APLN: variants seen among roughly 807,000 people sequenced by gnomAD.
APLN encodes the protein AGTRL1 ligand.
A neutral mutation model predicts 4.3 loss-of-function variants in APLN; 2 were observed. The observed-to-expected ratio is 0.46, with a 90% confidence interval of 0.19 to 1.45. The LOEUF (loss-of-function observed/expected upper bound fraction) is 1.45. APLN is among the 40% of genes most tolerant of loss of function. APLN has a pLI of 0.25. For synonymous variants in APLN, 34 were observed against 30.4 expected, an observed-to-expected ratio of 1.12 and a Z score of -0.38; for missense variants, 80 against 70.0, an observed-to-expected ratio of 1.14 and a Z score of -0.51.
At position 129,647,711 on chromosome X, in the gene APLN, G is replaced by A. The variant is rs947618467; in HGVS notation, c.*212C>T. On this transcript the variant is annotated 3_prime_UTR_variant, in exon 3 of 3. Transcript: ENST00000429967. The stretch of plus-strand genomic sequence containing the variant: ...GAGGGGCCAGGAAGATGGACTGGAC[G>A]GATTCTTGTGAGAGAACGGGAATCA... 17 of 982,924 alleles carry A rather than the reference G, an allele frequency of 1.7e-5. No individual in the cohort carries two copies. The highest frequency in any genetic ancestry group is 1.2e-4 in the African/African-American group (6 of 50,632). 81.0% of individuals were successfully genotyped at this position (982,924 alleles called of 1,213,427 possible).
Position 129,648,755 on chromosome X carries a change from T to C in APLN, c.105A>G (p.Glu35=). The C allele has an allele frequency of 8.5e-7, 1 of 1,172,520 alleles. No individual in the cohort carries two copies. The highest frequency in any genetic ancestry group is 2.4e-4 in the Middle Eastern group (1 of 4,177). Residue 35 remains glutamate (E), a synonymous_variant, in exon 2 of 3, where the codon GAA becomes GAG. Coordinates refer to ENST00000429967, the MANE Select transcript of APLN (RefSeq NM_017413.5). ...GCACCAGGTGGCGGACATTGCCGTCTTCCAGCCCATTCCCATCGGGAAGCG... is the reference window on the plus strand; with the variant it reads ...GCACCAGGTGGCGGACATTGCCGTCCTCCAGCCCATTCCCATCGGGAAGCG... ...LMPLPDGNGL[E]DGNVRHLVQP...
At chrX:129,648,433 G>C (rs955105270) in intron 2 of APLN, among the ~76,000 whole-genome samples, 188 bp downstream of exon 2, 26 of 112,477 alleles carry the variant, frequency 2.3e-4, no homozygotes, top group African/African-American at 8.1e-4. Flanking sequence ...CGAGGAGATC[G>C]TCTGTAAAAT....
chrX:129,654,614 C>G lies in APLN; in HGVS notation c.17G>C (p.Cys6Ser), dbSNP rs1196214233. 2 of 1,149,322 alleles carry G rather than the reference C, an allele frequency of 1.7e-6. No individual in the cohort carries two copies. Among genetic ancestry groups the G allele is most frequent in the African/African-American group, 3.7e-5 (2 of 54,470 alleles). 94.7% of individuals were successfully genotyped at this position (1,149,322 alleles called of 1,213,427 possible). The part of the protein sequence containing the change: MNLRL[C>S]VQALLLLWLS... ...CCAGAGCAGCAGGAGCGCCTGCACG[C>G]AGAGCCGCAGATTCATGCTGCTCCT... The change falls in exon 1 of 3, where the codon TGC (cysteine) becomes TCC (serine). Residue 6 changes from cysteine (C) to serine (S), a missense_variant. By Grantham distance (112) the Cys-to-Ser change is moderately radical. Transcript: ENST00000429967.
rs761563838 is a variant in APLN at position 129,647,715 on chromosome X, T to A, written c.*208A>T. On this transcript the variant is annotated 3_prime_UTR_variant, in exon 3 of 3. Coordinates refer to ENST00000429967, the MANE Select transcript of APLN (RefSeq NM_017413.5). ...GGCCAGGAAGATGGACTGGACGGATTCTTGTGAGAGAACGGGAATCATCCA... is the reference window on the plus strand; with the variant it reads ...GGCCAGGAAGATGGACTGGACGGATACTTGTGAGAGAACGGGAATCATCCA... 66 of 980,532 alleles carry A rather than the reference T, an allele frequency of 6.7e-5. 1 individual carries two copies. In the South Asian group the frequency reaches 1.2e-3, roughly 18 times the overall value. The allele number at this position is 980,532 out of a possible 1,213,427, so 80.8% of individuals were successfully genotyped here. A position where few individuals can be genotyped will look rare whatever the true frequency, so the allele number is the denominator to read the frequency against.
intron 1 of APLN, 45 bp downstream of exon 1, chrX:129,654,519 A>G (rs1936996719): frequency 2.5e-5 from 28 of 1,122,662 alleles, no homozygotes; most frequent in Non-Finnish European, 3.3e-5. Flanking sequence ...GAGGGAAAGG[A>G]GCACGCCGGC....
chrX:129,647,898 A>C lies in APLN; in HGVS notation c.*25T>G, dbSNP rs1259272839. 1.0e-6 allele frequency: 1 copy of C among 983,271 alleles called. No individual in the cohort carries two copies. Among genetic ancestry groups the C allele is most frequent in the Non-Finnish European group, 1.3e-6 (1 of 756,164 alleles). 81.0% of individuals were successfully genotyped at this position (983,271 alleles called of 1,213,427 possible). On this transcript the variant is annotated 3_prime_UTR_variant, in exon 3 of 3. Coordinates refer to ENST00000429967, the MANE Select transcript of APLN (RefSeq NM_017413.5). ...GGAGACATAACCGCCGGGGGTGGGC[A>C]CTTGGGGGCCCCTTCAGTCCTAAGG...
chrX:129,650,029 T>G (rs1001143158), intron 1 of APLN, among the ~76,000 whole-genome samples: 2 of 111,217 alleles, frequency 1.8e-5, no homozygotes, highest in Non-Finnish European at 3.8e-5. Context: ...GGCAGGGTAC[T>G]TGTGCAATGT....
At position 129,648,855 on chromosome X, in the gene APLN, C is replaced by T. The variant is rs919598437; in HGVS notation, c.68-63G>A. 17 of 1,014,821 alleles carry T rather than the reference C, an allele frequency of 1.7e-5. No homozygotes were observed. In the African/African-American group the frequency reaches 2.7e-4, roughly 16 times the overall value. The allele number at this position is 1,014,821 out of a possible 1,213,427, so 83.6% of individuals were successfully genotyped here. On this transcript the variant is annotated intron_variant, in intron 1 of 2. Transcript: ENST00000429967. ...TTGGAAACGGGCAGGGGCTGCAGACCACAGGCCCGCGGGAGGGGTGGTCTG... is the reference window on the plus strand; with the variant it reads ...TTGGAAACGGGCAGGGGCTGCAGACTACAGGCCCGCGGGAGGGGTGGTCTG...
chrX:129,651,449 A>G (rs748378554), intron 1 of APLN, among the ~76,000 whole-genome samples: 4 of 112,556 alleles, frequency 3.6e-5, no homozygotes, highest in African/African-American at 9.7e-5. Context: ...TCACTGCAGA[A>G]GTCTTGACTG....
intron 1 of APLN, among the ~76,000 whole-genome samples, chrX:129,654,340 T>G (rs1237088958): frequency 8.8e-6 from 1 of 113,039 alleles, no homozygotes; most frequent in Non-Finnish European, 1.9e-5. Context: ...GACGGGCAGG[T>G]GATGCCAAAG....
chrX:129,651,289 G>C (rs191925800), intron 1 of APLN, among the ~76,000 whole-genome samples: 1 of 110,349 alleles, frequency 9.1e-6, no homozygotes, highest in Admixed American at 9.6e-5. Flanking sequence ...CAGCATCACC[G>C]AGATCTGCTG....
At chrX:129,650,504 C>G (rs1348991004) in intron 1 of APLN, among the ~76,000 whole-genome samples, 1 of 111,729 alleles carries the variant, frequency 9.0e-6, no homozygotes, top group East Asian at 2.8e-4. Flanking sequence ...AGCCTGCACC[C>G]TCCTTCCCTC....
At position 129,654,677 on chromosome X, in the gene APLN, G is replaced by A; in HGVS notation, c.-47C>T. On this transcript the variant is annotated 5_prime_UTR_variant, in exon 1 of 3. Coordinates refer to ENST00000429967, the MANE Select transcript of APLN (RefSeq NM_017413.5). ...GCCCCGGCGAGCCGGCGCGGGGGAG[G>A]AGAGGTCGGGCGCCCGGAGGCCAAG... The A allele has an allele frequency of 2.0e-6, 2 of 999,600 alleles. No homozygotes were observed. Among genetic ancestry groups the A allele is most frequent in the Non-Finnish European group, 2.6e-6 (2 of 778,104 alleles). 82.4% of individuals were successfully genotyped at this position (999,600 alleles called of 1,213,427 possible). A position where few individuals can be genotyped will look rare whatever the true frequency, so the allele number is the denominator to read the frequency against.
intron 1 of APLN, among the ~76,000 whole-genome samples, chrX:129,652,403 G>A (rs958220069): frequency 9.0e-6 from 1 of 111,638 alleles, no homozygotes; most frequent in Admixed American, 9.4e-5. Flanking sequence ...TTTGACTGGG[G>A]ACTCTGGCTG....
Position 129,647,552 on chromosome X carries a change from C to G in APLN, c.*371G>C. 1.1e-6 allele frequency: 1 copy of G among 922,463 alleles called. No individual in the cohort carries two copies. The highest frequency in any genetic ancestry group is 1.4e-6 in the Non-Finnish European group (1 of 716,327). The allele number at this position is 922,463 out of a possible 1,213,427, so 76.0% of individuals were successfully genotyped here. ...CAGAAGGGAGCACTTCCACCCCGCGCTCAGGGCAGACATGAGGAAGGAAGG... is the reference window on the plus strand; with the variant it reads ...CAGAAGGGAGCACTTCCACCCCGCGGTCAGGGCAGACATGAGGAAGGAAGG... On this transcript the variant is annotated 3_prime_UTR_variant, in exon 3 of 3. Coordinates refer to ENST00000429967, the MANE Select transcript of APLN (RefSeq NM_017413.5).
intron 1 of APLN, among the ~76,000 whole-genome samples, chrX:129,649,901 G>A (rs750415047): frequency 3.6e-5 from 4 of 111,298 alleles, no homozygotes; most frequent in East Asian, 5.7e-4. Flanking sequence ...CATGCAGGCC[G>A]ACTCTCGTGA....
At chrX:129,652,598 A>G (rs1481800390) in intron 1 of APLN, among the ~76,000 whole-genome samples, 6 of 112,518 alleles carry the variant, frequency 5.3e-5, no homozygotes. Context: ...GAGAGCCCTG[A>G]AAGTTTCCAG....
Position 129,645,481 on chromosome X carries a change from G to A in APLN, c.*2442C>T, listed in dbSNP as rs865786135. On this transcript the variant is annotated 3_prime_UTR_variant, in exon 3 of 3. Coordinates refer to ENST00000429967, the MANE Select transcript of APLN (RefSeq NM_017413.5). ...CACCAAGGATACAAAACAATTTTTA[G>A]TAGCGATCCTGCATTTAATCAGTAT... 2.1e-4 allele frequency: 24 copies of A among 112,609 alleles called. No homozygotes were observed. Among genetic ancestry groups the A allele is most frequent in the Middle Eastern group, 4.6e-3 (1 of 218 alleles). 9.3% of individuals were successfully genotyped at this position (112,609 alleles called of 1,213,427 possible). A position where few individuals can be genotyped will look rare whatever the true frequency, so the allele number is the denominator to read the frequency against.
chrX:129,652,681 G>A (rs191319013), intron 1 of APLN, among the ~76,000 whole-genome samples: 1 of 112,558 alleles, frequency 8.9e-6, no homozygotes, highest in East Asian at 2.8e-4. Context: ...TAATGAAGAC[G>A]GGGGAATTAA....
Sources: allele counts gnomAD v4.1 joint callset (sites outside exome capture counted in the v4.1 genomes callset), GRCh38; gene constraint gnomAD v4.1.1; transcripts MANE v1.5; gene names NCBI Gene and HGNC (gene_info 2026-07-23, HGNC 2026-07-21).